ROBO2: variants seen among roughly 807,000 people sequenced by gnomAD.
The protein encoded by ROBO2 is roundabout guidance receptor 2, also known as roundabout homolog 2.
ROBO2 carries 53 observed loss-of-function variants against 160.8 expected under a neutral mutation model. The ratio of observed to expected loss-of-function variants is 0.33; its 90% CI spans 0.26 to 0.41. The LOEUF (loss-of-function observed/expected upper bound fraction) is 0.41, where lower values mean the gene tolerates loss of function less well. Ranked by LOEUF, ROBO2 falls within the 10% of genes least tolerant of loss-of-function variation. ROBO2 has a pLI of 1.00. For missense variants in ROBO2, 1,577 were observed against 1,722.4 expected (o/e 0.92, Z 1.49); for synonymous variants, 664 against 611.7 (o/e 1.09, Z -1.26).
chr3:77,132,848 T>C (rs2075972818), intron 2 of ROBO2, among the ~76,000 whole-genome samples: 1 of 152,288 alleles, frequency 6.6e-6, no homozygotes, highest in East Asian at 1.9e-4. Flanking sequence ...TTGAGTTTAA[T>C]TCAACAAATA....
chr3:75,942,213 G>A (rs550426084), intron 2 of ROBO2, among the ~76,000 whole-genome samples: 3 of 152,204 alleles, frequency 2.0e-5, no homozygotes, highest in Non-Finnish European at 4.4e-5. Flanking sequence ...TACCAGTAAG[G>A]AATAATCACT....
intron 2 of ROBO2, among the ~76,000 whole-genome samples, chr3:77,470,907 A>G (rs1327578311): frequency 2.6e-5 from 4 of 152,194 alleles, no homozygotes; most frequent in African/African-American, 7.2e-5. Context: ...TGCCGGCAGG[A>G]AAGACTTGTG....
intron 2 of ROBO2, among the ~76,000 whole-genome samples, chr3:76,343,030 A>G (rs916148167): frequency 6.6e-6 from 1 of 152,094 alleles, no homozygotes; most frequent in Non-Finnish European, 1.5e-5. Context: ...AATGGTAATC[A>G]AATGTTCCAA....
chr3:76,948,908 A>ATATATATATATATTT (rs1209284372), intron 2 of ROBO2, among the ~76,000 whole-genome samples: 1 of 24,970 alleles, frequency 4.0e-5, no homozygotes, highest in Non-Finnish European at 6.7e-5. Flanking sequence ...ATATATATAT[A>ATATATATATATATTT]TTTTTTTTTT....
intron 2 of ROBO2, among the ~76,000 whole-genome samples, chr3:76,480,006 C>T (rs1247513834): frequency 6.7e-6 from 1 of 149,796 alleles, no homozygotes; most frequent in Non-Finnish European, 1.5e-5. Context: ...CAACAAAATA[C>T]AAAGTAGCTT....
chr3:76,727,632 T>G (rs2093573296), intron 2 of ROBO2, among the ~76,000 whole-genome samples: 1 of 152,120 alleles, frequency 6.6e-6, no homozygotes, highest in African/African-American at 2.4e-5. Context: ...ATATGTGGAA[T>G]AAGTTGGGCA....
At chr3:76,124,758 T>C (rs564210407) in intron 2 of ROBO2, among the ~76,000 whole-genome samples, 8 of 152,288 alleles carry the variant, frequency 5.3e-5, no homozygotes, top group Non-Finnish European at 1.2e-4. Flanking sequence ...ATATTACATA[T>C]ATTTTTTTCT....
At chr3:76,580,945 A>C (rs550352656) in intron 2 of ROBO2, among the ~76,000 whole-genome samples, 2 of 152,358 alleles carry the variant, frequency 1.3e-5, no homozygotes, top group South Asian at 4.1e-4. Flanking sequence ...AGACTAGAAC[A>C]GTATCAATAG....
At chr3:76,391,251 A>C (rs1360214321) in intron 2 of ROBO2, among the ~76,000 whole-genome samples, 1 of 152,162 alleles carries the variant, frequency 6.6e-6, no homozygotes, top group Non-Finnish European at 1.5e-5. Flanking sequence ...AAAAATTCTC[A>C]AACTTAGTTG....
chr3:76,189,854 C>T (rs563579090), intron 2 of ROBO2, among the ~76,000 whole-genome samples: 225 of 152,078 alleles, frequency 1.5e-3, no homozygotes, highest in African/African-American at 5.3e-3. Flanking sequence ...TTTCTATATG[C>T]AGATGAGAAA....
intron 1 of ROBO2, among the ~76,000 whole-genome samples, chr3:77,066,817 T>G (rs1457842493): frequency 6.6e-6 from 1 of 152,162 alleles, no homozygotes. Flanking sequence ...TACAGTTACT[T>G]AATTATCCTT....
At chr3:76,431,649 T>C (rs1024288413) in intron 2 of ROBO2, among the ~76,000 whole-genome samples, 3 of 151,980 alleles carry the variant, frequency 2.0e-5, no homozygotes, top group Admixed American at 2.0e-4. Flanking sequence ...CATGAGAAAA[T>C]ATCACTAAAT....
chr3:76,676,343 TC>T (rs1330702579), intron 2 of ROBO2, among the ~76,000 whole-genome samples: 1 of 152,128 alleles, frequency 6.6e-6, no homozygotes, highest in African/African-American at 2.4e-5. Context: ...CACTTTTCCT[TC>T]CTTGCTTCAC....
At chr3:77,210,120 T>C (rs895443194) in intron 2 of ROBO2, among the ~76,000 whole-genome samples, 3 of 152,100 alleles carry the variant, frequency 2.0e-5, no homozygotes, top group African/African-American at 7.2e-5. Context: ...GCTTTTTCTA[T>C]AGTTAGCAGC....
intron 2 of ROBO2, among the ~76,000 whole-genome samples, chr3:75,993,614 A>T (rs929747706): frequency 2.6e-5 from 4 of 152,046 alleles, no homozygotes; most frequent in Non-Finnish European, 4.4e-5. Context: ...TTAATTCGCA[A>T]TTTTAGGTGG....
At chr3:76,855,072 C>T (rs2069895923) in intron 2 of ROBO2, among the ~76,000 whole-genome samples, 1 of 152,154 alleles carries the variant, frequency 6.6e-6, no homozygotes, top group Non-Finnish European at 1.5e-5. Context: ...ACTAAAAATG[C>T]TCATGAAAAC....
In ROBO2 at chr3:76,010,655, A is replaced by C. The variant is rs536591229; in HGVS notation, c.109+73053A>C. Among the ~76,000 whole-genome samples, 3 of 152,332 alleles carry C rather than the reference A, an allele frequency of 2.0e-5. No homozygotes were observed. The South Asian group carries it at 6.2e-4, about 32-fold the overall frequency. On this transcript the variant is annotated intron_variant, in intron 2 of 26. Coordinates refer to the ROBO2 transcript ENST00000487694. ...ACCTTGAATGTGAATATGTCCACAT[A>C]ATTTTTTTCTTTAAATTAAGAAATG...
At chr3:76,331,537 T>C (rs2073483109) in intron 2 of ROBO2, among the ~76,000 whole-genome samples, 1 of 151,858 alleles carries the variant, frequency 6.6e-6, no homozygotes, top group Admixed American at 6.6e-5. Flanking sequence ...ATTCCTCTGT[T>C]TGGTTTTAAC....
At chr3:76,450,516 A>G (rs1026805373) in intron 2 of ROBO2, among the ~76,000 whole-genome samples, 1 of 152,174 alleles carries the variant, frequency 6.6e-6, no homozygotes, top group Non-Finnish European at 1.5e-5. Context: ...GAGTCCTGCT[A>G]TGTTTCCCAG....
Sources: gnomAD v4.1 joint callset for allele counts (sites outside exome capture counted in the v4.1 genomes callset) on GRCh38, gnomAD v4.1.1 for gene constraint, MANE v1.5 for transcripts, NCBI Gene and HGNC (gene_info 2026-07-23, HGNC 2026-07-21) for gene names.